The following NUP205 variants were observed in gnomAD, a reference collection of about 807,000 sequenced individuals.
NUP205 encodes the protein nucleoporin 205.
NUP205 carries 76 observed loss-of-function variants against 253.8 expected under a neutral mutation model. The ratio of observed to expected loss-of-function variants is 0.30; its 90% CI spans 0.25 to 0.36. NUP205 has a LOEUF of 0.36. Among genes scored for constraint, NUP205 ranks in the 10% least tolerant of loss-of-function variants. The pLI is 1.00. For synonymous variants in NUP205, 832 were observed against 850.1 expected (o/e 0.98, Z 0.37); for missense variants, 2,162 against 2,425.5 (o/e 0.89, Z 2.28).
intron 1 of NUP205, among the ~76,000 whole-genome samples, chr7:135,561,512 G>A (rs1245911760): frequency 1.3e-5 from 2 of 152,096 alleles, no homozygotes; most frequent in Non-Finnish European, 2.9e-5. Context: ...TGGTCACCTC[G>A]TCCATTCACA....
intron 3 of NUP205, among the ~76,000 whole-genome samples, chr7:135,574,217 G>A (rs1806085969): frequency 6.6e-6 from 1 of 152,108 alleles, no homozygotes; most frequent in Non-Finnish European, 1.5e-5. Context: ...AAATTTTATA[G>A]CACAAAGCAC....
At chr7:135,614,100 C>T in intron 22 of NUP205, 59 bp from the exon 23 acceptor site, 4 of 934,972 alleles carry the variant, frequency 4.3e-6, no homozygotes, top group South Asian at 2.9e-5. Flanking sequence ...ATTTTGTTAC[C>T]ATAATATGTG....
Position 135,629,366 on chromosome 7 carries a change from T to C in NUP205, c.4933-978T>C, listed in dbSNP as rs545221623. On this transcript the variant is annotated intron_variant, in intron 34 of 42. Transcript: ENST00000285968. The stretch of plus-strand genomic sequence containing the variant: ...CATCAAAAGGAGAGTTATGGCCAGG[T>C]GTGGTGGCCCATGCCTGTAATCCCA... Among the ~76,000 whole-genome samples the C allele has an allele frequency of 1.4e-3, 217 of 152,104 alleles. 1 individual carries two copies. The highest frequency in any genetic ancestry group is 2.4e-3 in the Non-Finnish European group (165 of 67,986).
At chr7:135,627,951 C>T (rs778310605) in intron 33 of NUP205, 22 bp from the exon 34 acceptor site, 7 of 1,611,646 alleles carry the variant, frequency 4.3e-6, no homozygotes, top group East Asian at 2.2e-5. Context: ...GGAATGTTTT[C>T]TCCTTGTTTG....
rs530064330 is a variant in NUP205 at position 135,607,580 on chromosome 7, T to C, written c.3195+209T>C. 3.9e-5 allele frequency among the ~76,000 whole-genome samples: 6 copies of C among 152,180 alleles called. No individual in the cohort carries two copies. In the South Asian group the frequency reaches 6.2e-4, roughly 16 times the overall value. On this transcript the variant is annotated intron_variant, in intron 22 of 42. Coordinates refer to ENST00000285968, the MANE Select transcript of NUP205 (RefSeq NM_015135.3). ...AATCTTATGTTAATCACTTGAAAAA[T>C]AGAGGAAATTAGATTTTTGTGATGG...
intron 36 of NUP205, among the ~76,000 whole-genome samples, chr7:135,637,690 T>C (rs749074395): frequency 4.6e-5 from 7 of 152,218 alleles, no homozygotes; most frequent in Admixed American, 2.0e-4. Context: ...ATTTAGATGA[T>C]ACTGGGATTT....
Position 135,643,280 on chromosome 7 carries a change from C to T in NUP205, c.5481C>T (p.Phe1827=), listed in dbSNP as rs772958749. 9 of 1,614,072 alleles carry T rather than the reference C, an allele frequency of 5.6e-6. No homozygotes were observed. The highest frequency in any genetic ancestry group is 7.6e-6 in the Non-Finnish European group (9 of 1,179,934). ...YLLKQSANDF[F]SYYDSHRQSV... ...TGAAACAGAGTGCTAATGATTTCTT[C>T]AGCTATTATGACAGTCATCGACAGA... Residue 1827 remains phenylalanine (F), a synonymous_variant, in exon 39 of 43, where the codon TTC becomes TTT. Coordinates refer to ENST00000285968, the MANE Select transcript of NUP205 (RefSeq NM_015135.3).
intron 34 of NUP205, among the ~76,000 whole-genome samples, chr7:135,628,697 A>T (rs1052803613): frequency 6.6e-6 from 1 of 152,232 alleles, no homozygotes; most frequent in African/African-American, 2.4e-5. Context: ...CCTTTCACTG[A>T]TTGATTAGGC....
intron 1 of NUP205, among the ~76,000 whole-genome samples, chr7:135,567,166 A>G (rs1374587278): frequency 3.2e-4 from 33 of 102,100 alleles, no homozygotes; most frequent in South Asian, 5.6e-4. Context: ...ATATATATAT[A>G]TATATATATA....
chr7:135,617,845 C>T (rs1794393210), intron 27 of NUP205, among the ~76,000 whole-genome samples, 163 bp downstream of exon 27: 1 of 151,060 alleles, frequency 6.6e-6, no homozygotes, highest in African/African-American at 2.4e-5. Context: ...CTTTTATAAA[C>T]TGAACTATCT....
In NUP205 at chr7:135,630,479, A is replaced by ATT; in HGVS notation, c.5059+10_5059+11dup. On this transcript the variant is annotated intron_variant, in intron 35 of 42. Coordinates refer to ENST00000285968, the MANE Select transcript of NUP205 (RefSeq NM_015135.3). ...TAAAGCAGCACTTCCTGGTGAGTTG[A>ATT]TTATGTTGAAAGGATTTTTAATAAT... 2 of 1,582,308 alleles carry ATT rather than the reference A, an allele frequency of 1.3e-6. No homozygotes were observed. Among genetic ancestry groups the ATT allele is most frequent in the Non-Finnish European group, 1.7e-6 (2 of 1,168,458 alleles).
Position 135,602,829 on chromosome 7 carries a change from T to G in NUP205, c.2537T>G (p.Val846Gly), listed in dbSNP as rs140061865. 1.9e-6 allele frequency: 3 copies of G among 1,613,610 alleles called. No homozygotes were observed. The highest frequency in any genetic ancestry group is 1.7e-6 in the Non-Finnish European group (2 of 1,179,876). The stretch of plus-strand genomic sequence containing the variant: ...GGGAAAAAACACCTGGAGAAAGCAG[T>G]ACAGCATTGCCTTGCACTTCTCAAT... ...FPGKKHLEKA[V>G]QHCLALLNLT... The change falls in exon 18 of 43, where the codon GTA (valine) becomes GGA (glycine). Residue 846 changes from valine to glycine, a missense_variant. Around this residue, in one of 5 missense-constraint regions of NUP205, gnomAD observed 892 missense variants for 957.1 expected, o/e 0.93. Transcript: ENST00000285968.
rs1255934566 is a variant in NUP205 at position 135,618,602 on chromosome 7, A to C, written c.3962A>C (p.Lys1321Thr). ...IRDILQDVHD[K>T]ILDDEAAQEL... is the part of the protein sequence containing the mutation. The stretch of plus-strand genomic sequence containing the variant: ...GATATTTTACAAGATGTGCATGATA[A>C]GGTGACGTACTTCCTAAAATACTTT... The change falls in exon 28 of 43, where the codon AAG becomes ACG. Residue 1321 changes from lysine (K) to threonine (T), a missense_variant and splice_region_variant. By Grantham distance (78) the Lys-to-Thr change is moderately conservative. Around this residue, in one of 5 missense-constraint regions of NUP205, gnomAD observed 1,144 missense variants for 1,280.9 expected, o/e 0.89. Transcript: ENST00000285968. The C allele has an allele frequency of 6.3e-7, 1 of 1,589,308 alleles. No homozygotes were observed. The highest frequency in any genetic ancestry group is 8.6e-7 in the Non-Finnish European group (1 of 1,167,578).
chr7:135,643,746 A>G (rs1395167013), intron 39 of NUP205, among the ~76,000 whole-genome samples: 1 of 152,136 alleles, frequency 6.6e-6, no homozygotes, highest in African/African-American at 2.4e-5. Context: ...AACAAATGGG[A>G]TAGCATATGA....
rs777661790 is a variant in NUP205, at chr7:135,618,500, G to A, written c.3860G>A (p.Arg1287Lys). The A allele has an allele frequency of 1.2e-6, 2 of 1,614,074 alleles. No individual in the cohort carries two copies. Among genetic ancestry groups the A allele is most frequent in the Non-Finnish European group, 1.7e-6 (2 of 1,179,998 alleles). ...HAKRHALESW[R>K]QLVEIILTAC... is the part of the protein sequence containing the mutation. ...AAACGTCATGCTCTGGAGTCGTGGA[G>A]GCAACTAGTAGAAATTATACTGACA... is the stretch of plus-strand genomic sequence containing the variant. The change falls in exon 28 of 43, where the codon AGG (arginine) becomes AAG (lysine). Residue 1287 changes from arginine (R) to lysine (K), a missense_variant. Transcript: ENST00000285968.
intron 11 of NUP205, 101 bp from the exon 12 acceptor site, chr7:135,592,884 CAA>C: frequency 1.1e-6 from 1 of 912,302 alleles, no homozygotes; most frequent in Non-Finnish European, 1.7e-6. Context: ...GACTCTATCT[CAA>C]AAAAGAAAAA....
chr7:135,570,046 TATATATAGAG>T (rs1373758122), intron 1 of NUP205, among the ~76,000 whole-genome samples: 360 of 102,310 alleles, frequency 3.5e-3, no homozygotes, highest in African/African-American at 9.6e-3. Context: ...TATATATATA[TATATATAGAG>T]AGAGAGAGAG....
intron 34 of NUP205, among the ~76,000 whole-genome samples, chr7:135,629,831 T>C (rs2129491979): frequency 6.6e-6 from 1 of 152,262 alleles, no homozygotes; most frequent in East Asian, 1.9e-4. Flanking sequence ...GGTTCCTATC[T>C]CTATTATAAT....
At chr7:135,643,062 T>C (rs1322998490) in intron 38 of NUP205, 130 bp from the exon 39 acceptor site, 2 of 747,802 alleles carry the variant, frequency 2.7e-6, no homozygotes, top group African/African-American at 3.5e-5. Context: ...AAAAGTAATC[T>C]TGGGTTGGTT....
Sources: gnomAD v4.1 joint callset for allele counts (sites outside exome capture counted in the v4.1 genomes callset) on GRCh38, gnomAD v4.1.1 for gene constraint, gnomAD v4.1.1 regional missense constraint, MANE v1.5 for transcripts, NCBI Gene and HGNC (gene_info 2026-07-23, HGNC 2026-07-21) for gene names.